Variants in ECE2 observed in about 807,000 individuals in gnomAD.
ECE2 encodes the protein endothelin converting enzyme 2.
ECE2 carries 81 observed loss-of-function variants against 100.6 expected under a neutral mutation model. That is an observed-to-expected ratio of 0.81 (90% CI 0.67 to 0.97). The LOEUF (loss-of-function observed/expected upper bound fraction) is 0.97. Ranked by LOEUF, ECE2 falls within the 50% of genes least tolerant of loss-of-function variation. The pLI, the probability that ECE2 is intolerant of heterozygous loss-of-function variation, is 0.00. For missense variants in ECE2, 911 were observed against 988.1 expected (o/e 0.92, Z 1.05); for synonymous variants, 391 against 391.5 (o/e 1.00, Z 0.02).
chr3:184,278,684 T>C, intron 7 of ECE2, 127 bp downstream of exon 7: 2 of 863,524 alleles, frequency 2.3e-6, no homozygotes, highest in Non-Finnish European at 1.8e-6. Flanking sequence ...GTGAACAAAC[T>C]GCCCCTCCTT....
In ECE2 at chr3:184,289,420, T is replaced by C. The variant is rs375991822; in HGVS notation, c.1375-17T>C. 758 of 1,585,798 alleles carry C rather than the reference T, an allele frequency of 4.8e-4. 4 individuals are homozygous for C. Among genetic ancestry groups the C allele is most frequent in the Middle Eastern group, 3.9e-3 (18 of 4,646 alleles). On this transcript the variant is annotated splice_polypyrimidine_tract_variant and intron_variant, in intron 11 of 18. Transcript: ENST00000404464. This position sits in a 1 kb window ranked among gnomAD's most constrained non-coding sequence, Gnocchi z 4.1. Reference sequence around the variant, plus strand: ...ATTCAGTGCAGGGGAAGGCTGACTTTACCTCCTCCCTCCCAGGCAGAGGGG... The same window carrying C: ...ATTCAGTGCAGGGGAAGGCTGACTTCACCTCCTCCCTCCCAGGCAGAGGGG...
In ECE2 at chr3:184,290,851, G is replaced by A; in HGVS notation, c.1825G>A (p.Asp609Asn). The change falls in exon 16 of 19, where the codon GAT becomes AAT. Residue 609 changes from aspartate (D) to asparagine (N), a missense_variant. Asp to Asn is a conservative substitution (Grantham distance 23, BLOSUM62 1). Coordinates refer to ENST00000404464, the MANE Select transcript of ECE2 (RefSeq NM_001100121.2). Reference sequence around the variant, plus strand: ...GGGCCATGAGTTGACGCATGCCTTTGATGACCAAGGTAGGGGCCCATGGAG... The same window carrying A: ...GGGCCATGAGTTGACGCATGCCTTTAATGACCAAGGTAGGGGCCCATGGAG... The part of the protein sequence containing the change: ...VMGHELTHAF[D>N]DQGREYDKEG... 6.2e-7 allele frequency: 1 copy of A among 1,614,184 alleles called. No homozygotes were observed. Among genetic ancestry groups the A allele is most frequent in the Non-Finnish European group, 8.5e-7 (1 of 1,180,028 alleles).
In ECE2 at chr3:184,292,176, C is replaced by A; in HGVS notation, c.2236C>A (p.Arg746=). 1 of 1,614,132 alleles carries A rather than the reference C, an allele frequency of 6.2e-7. No homozygotes were observed. Among genetic ancestry groups the A allele is most frequent in the Non-Finnish European group, 8.5e-7 (1 of 1,180,030 alleles). Residue 746 remains arginine, a synonymous_variant, in exon 19 of 19, where the codon CGG becomes AGG. Coordinates refer to ENST00000404464, the MANE Select transcript of ECE2 (RefSeq NM_001100121.2). ...GTLSNSRDFL[R]HFGCPVGSPM... is the part of the protein sequence containing the mutation. ...TCTCTCCAACTCCCGTGACTTCCTG[C>A]GGCACTTCGGCTGCCCTGTCGGCTC... is the stretch of plus-strand genomic sequence containing the variant.
chr3:184,291,300 G>A lies in ECE2; in HGVS notation c.2026-44G>A. 1 of 1,587,676 alleles carries A rather than the reference G, an allele frequency of 6.3e-7. No homozygotes were observed. Among genetic ancestry groups the A allele is most frequent in the Non-Finnish European group, 8.6e-7 (1 of 1,164,752 alleles). ...TGGGGTGAAAGGTGCCGGGTGGGTG[G>A]GGGCAGGCCTGGATGGGCTTGTTGC... On this transcript the variant is annotated intron_variant, in intron 17 of 18. Coordinates refer to ENST00000404464, the MANE Select transcript of ECE2 (RefSeq NM_001100121.2). The surrounding 1 kb of genome is among the most constrained non-coding windows in gnomAD (Gnocchi z 4.1).
intron 7 of ECE2, 155 bp downstream of exon 7, chr3:184,278,712 CT>C: frequency 3.0e-6 from 2 of 675,576 alleles, no homozygotes. Flanking sequence ...TCTTTTCTTC[CT>C]CCCTCCCTCC....
At position 184,290,636 on chromosome 3, in the gene ECE2, C is replaced by T. The variant is rs747689018; in HGVS notation, c.1735C>T (p.Gln579Ter). The T allele has an allele frequency of 6.2e-7, 1 of 1,614,194 alleles. No homozygotes were observed. Among genetic ancestry groups the T allele is most frequent in the South Asian group, 1.1e-5 (1 of 91,082 alleles). The change falls in exon 15 of 19, where the codon CAG (glutamine) becomes TAG (stop). Residue 579 changes from glutamine (Q) to a stop codon, truncating the protein, a stop_gained. Transcript: ENST00000404464. LOFTEE classifies it high-confidence loss of function. ...GATCGTCTTCCCCGCTGGCATCCTGCAGGCCCCCTTCTATGCCCGCAACCA... is the reference window on the plus strand; with the variant it reads ...GATCGTCTTCCCCGCTGGCATCCTGTAGGCCCCCTTCTATGCCCGCAACCA... ...NEIVFPAGIL[Q>*]APFYARNHPK...
chr3:184,283,694 A>C, intron 7 of ECE2, 91 bp from the exon 8 acceptor site: 8 of 1,340,258 alleles, frequency 6.0e-6, no homozygotes, highest in South Asian at 1.4e-5. Flanking sequence ...ATCAAGCAGA[A>C]GAGATATTGG....
rs1273131133 is a variant in ECE2, at chr3:184,278,067, G to T, written c.603+18G>T. 1 of 1,613,906 alleles carries T rather than the reference G, an allele frequency of 6.2e-7. No homozygotes were observed. Among genetic ancestry groups the T allele is most frequent in the Non-Finnish European group, 8.5e-7 (1 of 1,179,958 alleles). Reference sequence around the variant, plus strand: ...TTGAGAAGGTAGGGCCACTGAGCCGGTTGAGGGCAGGGGAGCAGGAGAGGC... The same window carrying T: ...TTGAGAAGGTAGGGCCACTGAGCCGTTTGAGGGCAGGGGAGCAGGAGAGGC... On this transcript the variant is annotated intron_variant, in intron 5 of 18. Coordinates refer to ENST00000404464, the MANE Select transcript of ECE2 (RefSeq NM_001100121.2).
In ECE2 at chr3:184,283,959, A is replaced by AT; in HGVS notation, c.994dup (p.Ser332PhefsTer14). On this transcript the variant is annotated frameshift_variant, in exon 8 of 19. Coordinates refer to ENST00000404464, the MANE Select transcript of ECE2 (RefSeq NM_001100121.2). LOFTEE classifies it high-confidence loss of function. ...GGAGAAGATCTACCACAAGATGAGC[A>AT]TTTCGGAGCTGCAGGTGGGGCAGGC... 2 of 1,613,868 alleles carry AT rather than the reference A, an allele frequency of 1.2e-6. No homozygotes were observed. The highest frequency in any genetic ancestry group is 1.7e-6 in the Non-Finnish European group (2 of 1,179,966).
chr3:184,276,226 C>T (rs1720539650), intron 1 of ECE2, 34 bp downstream of exon 1: 2 of 1,442,488 alleles, frequency 1.4e-6, no homozygotes, highest in Non-Finnish European at 1.8e-6. Context: ...CGGGAGGGGA[C>T]TGGGTGGAGG....
At chr3:184,285,357 C>G in intron 9 of ECE2, 121 bp from the exon 10 acceptor site, 1 of 924,578 alleles carries the variant, frequency 1.1e-6, no homozygotes, top group Non-Finnish European at 1.7e-6. Flanking sequence ...AGAGGAACCC[C>G]GGGACAGCTT....
chr3:184,276,784 C>A, intron 2 of ECE2, 108 bp from the exon 3 acceptor site: 2 of 1,566,788 alleles, frequency 1.3e-6, no homozygotes, highest in Non-Finnish European at 8.7e-7. Flanking sequence ...TGCCCCCGGG[C>A]CCAGAGTTAA....
At chr3:184,287,756 G>A in intron 10 of ECE2, 81 bp from the exon 11 acceptor site, 1 of 1,272,740 alleles carries the variant, frequency 7.9e-7, no homozygotes. Flanking sequence ...GAGAAGGGCT[G>A]CTAGCCCCAG....
Position 184,278,551 on chromosome 3 carries a change from T to C in ECE2, c.810T>C (p.Asn270=), listed in dbSNP as rs771486557. ...ATTACTACTTAAACAGAACTGCCAA[T>C]GAGAAAGTAAGGAACATCTTCCGAA... ...SRDYYLNRTA[N]EKVLTAYLDY... is the part of the protein sequence containing the mutation. The change falls in exon 7 of 19, where the codon AAT becomes AAC. Residue 270 remains asparagine, a synonymous_variant. Transcript: ENST00000404464. 3.0e-5 allele frequency: 49 copies of C among 1,613,894 alleles called. 1 individual carries two copies. In the South Asian group the frequency reaches 4.9e-4, roughly 16 times the overall value.
At chr3:184,284,229 TTGTA>T (rs1434737030) in intron 8 of ECE2, among the ~76,000 whole-genome samples, 6 of 152,076 alleles carry the variant, frequency 3.9e-5, no homozygotes, top group Admixed American at 3.3e-4. Flanking sequence ...GTGTAACAGT[TTGTA>T]TGAGATGTCC....
intron 7 of ECE2, among the ~76,000 whole-genome samples, chr3:184,280,496 G>A (rs1284445857): frequency 1.1e-4 from 17 of 152,302 alleles, no homozygotes; most frequent in Admixed American, 9.8e-4. Context: ...GGAAAGCTGT[G>A]TGGAGTCCTG....
In ECE2 at chr3:184,292,130, C is replaced by G. The variant is rs1459505413; in HGVS notation, c.2190C>G (p.Ala730=). ...TGGTGACCGACCCCCACAGCCCTGCCCGCTTCCGCGTGCTGGGCACTCTCT... is the reference window on the plus strand; with the variant it reads ...TGGTGACCGACCCCCACAGCCCTGCGCGCTTCCGCGTGCTGGGCACTCTCT... ...EGLVTDPHSP[A]RFRVLGTLSN... The change falls in exon 19 of 19, where the codon GCC becomes GCG. Residue 730 remains alanine, a synonymous_variant. Coordinates refer to ENST00000404464, the MANE Select transcript of ECE2 (RefSeq NM_001100121.2). 6.2e-7 allele frequency: 1 copy of G among 1,614,006 alleles called. No homozygotes were observed. Among genetic ancestry groups the G allele is most frequent in the Admixed American group, 1.7e-5 (1 of 60,024 alleles).
intron 8 of ECE2, 135 bp from the exon 9 acceptor site, chr3:184,284,828 A>G: frequency 8.4e-7 from 1 of 1,184,308 alleles, no homozygotes; most frequent in South Asian, 1.6e-5. Flanking sequence ...AGGGTATATT[A>G]CAGGAAGGAT....
intron 7 of ECE2, among the ~76,000 whole-genome samples, chr3:184,281,145 C>T: frequency 6.6e-6 from 1 of 151,050 alleles, no homozygotes; most frequent in East Asian, 1.9e-4. Context: ...ATTTGTCCTT[C>T]TGTCATTCAT....
Sources: gnomAD v4.1 joint callset for allele counts (sites outside exome capture counted in the v4.1 genomes callset) on GRCh38, gnomAD v4.1.1 for gene constraint, Gnocchi (gnomAD v3.1) non-coding constraint, MANE v1.5 for transcripts, NCBI Gene and HGNC (gene_info 2026-07-23, HGNC 2026-07-21) for gene names.